The following ST6GALNAC3 variants were observed in gnomAD, a reference collection of about 807,000 sequenced individuals.
The protein encoded by ST6GALNAC3 is alpha-N-acetylgalactosaminide alpha-2,6-sialyltransferase 3.
In ST6GALNAC3, 25 loss-of-function variants were observed where a neutral mutation model predicts 32.7. The observed-to-expected ratio is 0.76, with a 90% CI of 0.56 to 1.07. ST6GALNAC3 has a LOEUF of 1.07. Ranked by LOEUF, ST6GALNAC3 falls within the 50% of genes least tolerant of loss-of-function variation. The probability of loss-of-function intolerance (pLI) is 0.00; values close to 1 mark genes in which losing one functional copy is unlikely to be tolerated. For missense variants in ST6GALNAC3, 355 were observed against 382.4 expected (o/e 0.93, Z 0.60); for synonymous variants, 129 against 133.1 (o/e 0.97, Z 0.21).
intron 3 of ST6GALNAC3, among the ~76,000 whole-genome samples, chr1:76,621,598 G>C (rs1292514436): frequency 1.3e-5 from 2 of 151,934 alleles, no homozygotes; most frequent in African/African-American, 4.8e-5. Context: ...ATATGACTTG[G>C]GGACAGCTGA....
rs113611382 is a variant in ST6GALNAC3, at chr1:76,474,085, T to C, written c.623+61668T>C. ...GAGTTCAATCACCCCAACAGAGACA[T>C]TGGACATGTTAGTAGGACCAGCTTG... On this transcript the variant is annotated intron_variant, in intron 3 of 4. Transcript: ENST00000328299. Among the ~76,000 whole-genome samples the C allele has an allele frequency of 4.2e-3, 639 of 152,094 alleles. 8 individuals carry two copies. The highest frequency in any genetic ancestry group is 0.015 in the African/African-American group (611 of 41,496).
rs1456087526 is a variant in ST6GALNAC3 at position 76,621,337 on chromosome 1, A to G, written c.624-6115A>G. Among the ~76,000 whole-genome samples the G allele has an allele frequency of 2.0e-5, 3 of 151,968 alleles. No individual in the cohort carries two copies. In the East Asian group the frequency reaches 5.8e-4, roughly 29 times the overall value. Reference sequence around the variant, plus strand: ...TATTTTTCAGGCCTGGATTCCTTTCACTTGGTTCATTCTCTTAAGAATTAC... The same window carrying G: ...TATTTTTCAGGCCTGGATTCCTTTCGCTTGGTTCATTCTCTTAAGAATTAC... On this transcript the variant is annotated intron_variant, in intron 3 of 4. Coordinates refer to ENST00000328299, the MANE Select transcript of ST6GALNAC3 (RefSeq NM_152996.4).
chr1:76,096,249 G>T (rs1311172110), intron 1 of ST6GALNAC3, among the ~76,000 whole-genome samples: 1 of 152,188 alleles, frequency 6.6e-6, no homozygotes, highest in Non-Finnish European at 1.5e-5. Context: ...AGAGAGGCAA[G>T]GGTAGAGCTT....
chr1:76,321,306 A>T (rs1214426440), intron 2 of ST6GALNAC3, among the ~76,000 whole-genome samples: 1 of 152,174 alleles, frequency 6.6e-6, no homozygotes, highest in African/African-American at 2.4e-5. Flanking sequence ...ACAGAATGAG[A>T]CAAAGACACT....
chr1:76,111,895 C>A lies in ST6GALNAC3; in HGVS notation c.18+37011C>A, dbSNP rs368807211. On this transcript the variant is annotated intron_variant, in intron 1 of 4. Coordinates refer to ENST00000328299, the MANE Select transcript of ST6GALNAC3 (RefSeq NM_152996.4). ...CTCAATCTTTTCCCCACCTTTCCCC[C>A]CTTTCTATTCCACAAAACCGCCGTT... 5.3e-5 allele frequency among the ~76,000 whole-genome samples: 8 copies of A among 152,280 alleles called. No individual in the cohort carries two copies. The East Asian group carries it at 1.5e-3, about 29-fold the overall frequency.
chr1:76,126,272 T>C (rs569907388), intron 1 of ST6GALNAC3, among the ~76,000 whole-genome samples: 1 of 152,328 alleles, frequency 6.6e-6, no homozygotes, highest in South Asian at 2.1e-4. Context: ...CTATATTTAT[T>C]TCCCTCTTTC....
intron 3 of ST6GALNAC3, among the ~76,000 whole-genome samples, chr1:76,615,489 G>T (rs1368426071): frequency 6.6e-6 from 1 of 152,184 alleles, no homozygotes. Context: ...CTTGCAGTCA[G>T]AATTTCAGGG....
At chr1:76,188,747 T>C (rs1242199241) in intron 1 of ST6GALNAC3, among the ~76,000 whole-genome samples, 1 of 152,188 alleles carries the variant, frequency 6.6e-6, no homozygotes, top group Non-Finnish European at 1.5e-5. Context: ...TAAAATGAAT[T>C]CATTATTCAT....
chr1:76,123,392 A>G (rs902267537), intron 1 of ST6GALNAC3, among the ~76,000 whole-genome samples: 3 of 151,996 alleles, frequency 2.0e-5, no homozygotes, highest in Non-Finnish European at 4.4e-5. Flanking sequence ...AAAAAAAAAA[A>G]AAAAGCTTTG....
At chr1:76,367,485 G>A (rs1439649016) in intron 2 of ST6GALNAC3, among the ~76,000 whole-genome samples, 1 of 152,104 alleles carries the variant, frequency 6.6e-6, no homozygotes, top group Admixed American at 6.6e-5. Flanking sequence ...GTTTACAGGA[G>A]GGTAGGGGAG....
At chr1:76,188,795 A>C (rs1448999640) in intron 1 of ST6GALNAC3, among the ~76,000 whole-genome samples, 1 of 152,202 alleles carries the variant, frequency 6.6e-6, no homozygotes, top group Non-Finnish European at 1.5e-5. Flanking sequence ...CTTCATCCTC[A>C]TTGTCTTCAT....
At chr1:76,283,451 A>G (rs1659611127) in intron 1 of ST6GALNAC3, among the ~76,000 whole-genome samples, 1 of 152,182 alleles carries the variant, frequency 6.6e-6, no homozygotes, top group African/African-American at 2.4e-5. Flanking sequence ...GTACATGAGC[A>G]GGACCCTCAA....
At chr1:76,422,316 G>A (rs1655082123) in intron 3 of ST6GALNAC3, among the ~76,000 whole-genome samples, 1 of 151,938 alleles carries the variant, frequency 6.6e-6, no homozygotes, top group East Asian at 1.9e-4. Flanking sequence ...CAGAAACAGT[G>A]CAATTAAGTT....
chr1:76,118,496 A>G (rs1648637270), intron 1 of ST6GALNAC3, among the ~76,000 whole-genome samples: 1 of 152,184 alleles, frequency 6.6e-6, no homozygotes, highest in Non-Finnish European at 1.5e-5. Flanking sequence ...TGCAACCCCA[A>G]AGAGTAGCAA....
intron 1 of ST6GALNAC3, among the ~76,000 whole-genome samples, chr1:76,218,606 C>T (rs1046539091): frequency 1.3e-5 from 2 of 152,218 alleles, no homozygotes; most frequent in Admixed American, 6.5e-5. Context: ...TATGTATTCA[C>T]ATGTTTATTT....
Position 76,592,985 on chromosome 1 carries a change from T to C in ST6GALNAC3, c.624-34467T>C, listed in dbSNP as rs555734395. On this transcript the variant is annotated intron_variant, in intron 3 of 4. Transcript: ENST00000328299. ...TCCACATACAAAGAACCAGAAATACTCATTTTGTCCTCCTTTTTTTTTTGT... is the reference window on the plus strand; with the variant it reads ...TCCACATACAAAGAACCAGAAATACCCATTTTGTCCTCCTTTTTTTTTTGT... Among the ~76,000 whole-genome samples the C allele has an allele frequency of 9.8e-4, 143 of 146,606 alleles. 1 individual carries two copies. Among genetic ancestry groups the C allele is most frequent in the Non-Finnish European group, 1.3e-3 (90 of 67,578 alleles).
At chr1:76,315,265 TTAC>T (rs953311602) in intron 2 of ST6GALNAC3, among the ~76,000 whole-genome samples, 15 of 152,140 alleles carry the variant, frequency 9.9e-5, no homozygotes, top group Non-Finnish European at 1.9e-4. Context: ...TCATCTTTTG[TTAC>T]TTTTATTTCT....
chr1:76,352,953 A>G (rs1649115013), intron 2 of ST6GALNAC3, among the ~76,000 whole-genome samples: 1 of 151,458 alleles, frequency 6.6e-6, no homozygotes, highest in Non-Finnish European at 1.5e-5. Flanking sequence ...TTTCCTTGTT[A>G]CTCTAATCCA....
At position 76,398,445 on chromosome 1, in the gene ST6GALNAC3, A is replaced by G. The variant is rs1571095952; in HGVS notation, c.214-13563A>G. 2.0e-5 allele frequency among the ~76,000 whole-genome samples: 3 copies of G among 152,284 alleles called. No individual in the cohort carries two copies. In the Middle Eastern group the frequency reaches 0.01, roughly 518 times the overall value. ...GATGTTTGGGGTTTTTGGTTTCAAA[A>G]TGATGTTCTTTACCGTGTTAAGAAA... is the stretch of plus-strand genomic sequence containing the variant. On this transcript the variant is annotated intron_variant, in intron 2 of 4. Transcript: ENST00000328299.
Sources: gnomAD v4.1 joint callset for allele counts (sites outside exome capture counted in the v4.1 genomes callset) on GRCh38, gnomAD v4.1.1 for gene constraint, MANE v1.5 for transcripts, NCBI Gene and HGNC (gene_info 2026-07-23, HGNC 2026-07-21) for gene names.